The following SLC17A4 variants were observed in gnomAD, a reference collection of about 807,000 sequenced individuals.
SLC17A4 encodes the protein solute carrier family 17 member 4.
SLC17A4 carries 33 observed loss-of-function variants against 52.5 expected under a neutral mutation model. The ratio of observed to expected loss-of-function variants is 0.63; its 90% CI spans 0.48 to 0.84. The LOEUF is 0.84. SLC17A4 is among the 40% of genes least tolerant of loss of function. The probability of loss-of-function intolerance (pLI) is 0.00; values close to 1 mark genes in which losing one functional copy is unlikely to be tolerated. For synonymous variants in SLC17A4, 225 were observed against 216.2 expected (o/e 1.04, Z -0.36); for missense variants, 585 against 597.1 (o/e 0.98, Z 0.21).
At chr6:25,771,697 A>C (rs1368465777) in intron 6 of SLC17A4, among the ~76,000 whole-genome samples, 1 of 152,206 alleles carries the variant, frequency 6.6e-6, no homozygotes, top group Non-Finnish European at 1.5e-5. Context: ...TTGCTTTTGC[A>C]CCAATCTAAT....
chr6:25,768,389 C>T, intron 2 of SLC17A4: 1 of 987,400 alleles, frequency 1.0e-6, no homozygotes, highest in South Asian at 4.7e-5. Context: ...ATGGACTCAA[C>T]CACAGGGATA....
intron 2 of SLC17A4, among the ~76,000 whole-genome samples, chr6:25,764,958 T>C (rs1451926114): frequency 3.3e-5 from 5 of 152,160 alleles, no homozygotes; most frequent in South Asian, 2.1e-4. Flanking sequence ...TTCCCTTGAA[T>C]TGGTGAAAGA....
At chr6:25,776,543 C>G (rs111894131) in intron 8 of SLC17A4, 52 bp from the exon 9 acceptor site, 1 of 1,544,126 alleles carries the variant, frequency 6.5e-7, no homozygotes, top group Non-Finnish European at 8.7e-7. Context: ...TTGTCTGTGT[C>G]GTGGTGGGGG....
Position 25,773,674 on chromosome 6 carries a change from T to G in SLC17A4, c.987T>G (p.Asp329Glu). 1 of 1,612,826 alleles carries G rather than the reference T, an allele frequency of 6.2e-7. No individual in the cohort carries two copies. The highest frequency in any genetic ancestry group is 8.5e-7 in the Non-Finnish European group (1 of 1,179,354). ...CGGTACTTCAAGCCAACCTCAGAGA[T>G]GTAAGTACAGAGAAAGCTCATTCTG... Reference protein sequence around the residue: ...ISSVLQANLRDSGILSALPFV... With the variant: ...ISSVLQANLRESGILSALPFV... The change falls in exon 8 of 12, where the codon GAT becomes GAG. Residue 329 changes from aspartate (D) to glutamate (E), a missense_variant and splice_region_variant. Transcript: ENST00000377905.
At chr6:25,763,081 T>C (rs1761687227) in intron 2 of SLC17A4, among the ~76,000 whole-genome samples, 1 of 152,156 alleles carries the variant, frequency 6.6e-6, no homozygotes, top group Non-Finnish European at 1.5e-5. Context: ...TAGTGTCCCT[T>C]CCTCAGCCCA....
chr6:25,768,860 A>G (rs1277053655), intron 2 of SLC17A4, 125 bp from the exon 3 acceptor site: 7 of 879,518 alleles, frequency 8.0e-6, no homozygotes, highest in South Asian at 4.9e-5. Context: ...ACACCTACAG[A>G]GGAATGTCTG....
chr6:25,767,622 T>A (rs1762131409), intron 2 of SLC17A4, among the ~76,000 whole-genome samples: 1 of 152,148 alleles, frequency 6.6e-6, no homozygotes, highest in African/African-American at 2.4e-5. Context: ...AACAGAGTAG[T>A]TTAATATAAT....
chr6:25,763,687 G>A (rs905915622), intron 2 of SLC17A4, among the ~76,000 whole-genome samples: 8 of 152,188 alleles, frequency 5.3e-5, no homozygotes, highest in African/African-American at 1.7e-4. Context: ...ACCTGCTTAT[G>A]CAAAGTAACT....
At chr6:25,766,182 TTA>T (rs57580241) in intron 2 of SLC17A4, among the ~76,000 whole-genome samples, 44,711 of 150,398 alleles carry the variant, frequency 0.3, 7,596 homozygotes, top group East Asian at 0.74. Flanking sequence ...TTATACATTT[TTA>T]TGTTTCTAAT....
chr6:25,775,519 T>G (rs574938767), intron 8 of SLC17A4, among the ~76,000 whole-genome samples: 1 of 152,212 alleles, frequency 6.6e-6, no homozygotes, highest in East Asian at 1.9e-4. Flanking sequence ...CACTAAAGCT[T>G]CGACCTCCCA....
rs569689946 is a variant in SLC17A4, at chr6:25,779,087, C to T, written c.1393C>T (p.Leu465Phe). The T allele has an allele frequency of 1.1e-5, 17 of 1,613,854 alleles. No individual in the cohort carries two copies. Among genetic ancestry groups the T allele is most frequent in the Non-Finnish European group, 1.4e-5 (17 of 1,179,776 alleles). Residue 465 changes from leucine (L) to phenylalanine (F), a missense_variant, in exon 12 of 12, where the codon CTT becomes TTT. Physicochemically the swap from Leu to Phe is conservative, Grantham distance 22. Transcript: ENST00000377905. ...SEFGWRNVFL[L>F]SAAVNISGLV... The stretch of plus-strand genomic sequence containing the variant: ...GTTTGGTTGGAGAAATGTCTTCTTG[C>T]TTTCAGCTGCTGTTAACATATCGGG...
chr6:25,776,193 T>C (rs1762900889), intron 8 of SLC17A4, among the ~76,000 whole-genome samples: 1 of 152,136 alleles, frequency 6.6e-6, no homozygotes, highest in Non-Finnish European at 1.5e-5. Flanking sequence ...TGAAAAATAA[T>C]ATCTCACCAT....
At chr6:25,778,988 G>T in intron 11 of SLC17A4, 66 bp from the exon 12 acceptor site, 1 of 1,591,178 alleles carries the variant, frequency 6.3e-7, no homozygotes, top group Non-Finnish European at 8.6e-7. Context: ...CAGAGCCAAA[G>T]CCTTTCTGAA....
rs1389562026 is a variant in SLC17A4, at chr6:25,770,986, G to C, written c.680G>C (p.Gly227Ala). 1.9e-6 allele frequency: 3 copies of C among 1,613,702 alleles called. No homozygotes were observed. The highest frequency in any genetic ancestry group is 2.5e-6 in the Non-Finnish European group (3 of 1,179,780). Residue 227 changes from glycine to alanine, a missense_variant, in exon 6 of 12, where the codon GGA becomes GCA. Coordinates refer to ENST00000377905, the MANE Select transcript of SLC17A4 (RefSeq NM_005495.3). ...LAGGLLCQTI[G>A]WPYVFYIFGG... The stretch of plus-strand genomic sequence containing the variant: ...GGTGGTCTCCTCTGCCAGACCATAG[G>C]ATGGCCTTACGTCTTCTATATCTTT...
chr6:25,778,132 T>A, intron 11 of SLC17A4, 116 bp downstream of exon 11: 1 of 631,264 alleles, frequency 1.6e-6, no homozygotes, highest in Non-Finnish European at 2.7e-6. Flanking sequence ...AAAAATAAAC[T>A]AATTTACATG....
chr6:25,766,577 G>T (rs767939681), intron 2 of SLC17A4, among the ~76,000 whole-genome samples: 1 of 151,960 alleles, frequency 6.6e-6, no homozygotes, highest in Non-Finnish European at 1.5e-5. Flanking sequence ...CTCAAGCCAG[G>T]GCACCAAGAT....
intron 2 of SLC17A4, among the ~76,000 whole-genome samples, chr6:25,764,253 T>A (rs1561799518): frequency 1.3e-5 from 2 of 152,182 alleles, no homozygotes; most frequent in African/African-American, 2.4e-5. Context: ...AGCTTCCAGA[T>A]ATTTGTCCCT....
intron 5 of SLC17A4, 116 bp downstream of exon 5, chr6:25,770,587 T>TAAGG: frequency 2.2e-6 from 2 of 928,138 alleles, no homozygotes; most frequent in Non-Finnish European, 3.5e-6. Context: ...GTCCTTTCCT[T>TAAGG]AAAGCACTAC....
At chr6:25,769,262 G>A (rs991723960) in intron 3 of SLC17A4, 72 bp downstream of exon 3, 3 of 1,372,018 alleles carry the variant, frequency 2.2e-6, no homozygotes, top group Admixed American at 3.9e-5. Flanking sequence ...AAAAGAGTGA[G>A]ATTCATTTAA....
Sources: gnomAD v4.1 joint callset for allele counts (sites outside exome capture counted in the v4.1 genomes callset) on GRCh38, gnomAD v4.1.1 for gene constraint, MANE v1.5 for transcripts, NCBI Gene and HGNC (gene_info 2026-07-23, HGNC 2026-07-21) for gene names.